The following DENND5B variants were observed in gnomAD, a reference collection of about 807,000 sequenced individuals.
DENND5B encodes the protein DENN domain-containing protein 5B.
DENND5B carries 34 observed loss-of-function variants against 140.6 expected under a neutral mutation model. The ratio of observed to expected loss-of-function variants is 0.24; its 90% CI spans 0.18 to 0.32. DENND5B has a LOEUF of 0.32. Among genes scored for constraint, DENND5B ranks in the 10% least tolerant of loss-of-function variants. The pLI is 1.00. For synonymous variants in DENND5B, 551 were observed against 562.1 expected (o/e 0.98, Z 0.28); for missense variants, 1,142 against 1,560.2 (o/e 0.73, Z 4.52).
chr12:31,506,273 T>C (rs1947198266), intron 1 of DENND5B: 1 of 152,190 alleles, frequency 6.6e-6, no homozygotes. Context: ...ATATAGTTTC[T>C]CTTTTTAATT....
At chr12:31,587,743 CA>C (rs1202245835) in intron 1 of DENND5B, among the ~76,000 whole-genome samples, 2 of 151,906 alleles carry the variant, frequency 1.3e-5, no homozygotes, top group African/African-American at 2.4e-5. Context: ...GATGTGGTTT[CA>C]CCATATTGGC....
chr12:31,560,555 T>A (rs1241084598), intron 1 of DENND5B, among the ~76,000 whole-genome samples: 2 of 152,160 alleles, frequency 1.3e-5, no homozygotes, highest in African/African-American at 4.8e-5. Context: ...ACACACACAA[T>A]TTAGTCTTAA....
intron 17 of DENND5B, among the ~76,000 whole-genome samples, chr12:31,395,024 A>G (rs1394381005): frequency 6.6e-6 from 1 of 152,194 alleles, no homozygotes; most frequent in Non-Finnish European, 1.5e-5. Flanking sequence ...ACAGATATAT[A>G]TCACTATCTG....
intron 5 of DENND5B, among the ~76,000 whole-genome samples, chr12:31,451,308 T>C (rs1593199369): frequency 6.6e-6 from 1 of 152,168 alleles, no homozygotes; most frequent in East Asian, 1.9e-4. Flanking sequence ...TGTAAGAGTT[T>C]CTATAAATTT....
At chr12:31,437,728 T>C (rs368428651) in intron 7 of DENND5B, among the ~76,000 whole-genome samples, 6 of 152,162 alleles carry the variant, frequency 3.9e-5, no homozygotes, top group African/African-American at 1.4e-4. Context: ...CAGTAGAGGG[T>C]AGTATACAAT....
intron 1 of DENND5B, among the ~76,000 whole-genome samples, chr12:31,580,331 G>A (rs1474789097): frequency 6.6e-6 from 1 of 152,068 alleles, no homozygotes; most frequent in South Asian, 2.1e-4. Context: ...GAAAGGAATA[G>A]GCTAATACAT....
intron 3 of DENND5B, chr12:31,465,245 G>A (rs1945206491): frequency 6.6e-6 from 1 of 152,372 alleles, no homozygotes. Context: ...TGTCTAGCAA[G>A]GCTTATGCCC....
At chr12:31,480,510 C>A (rs560868796) in intron 2 of DENND5B, among the ~76,000 whole-genome samples, 9 of 152,122 alleles carry the variant, frequency 5.9e-5, no homozygotes, top group Non-Finnish European at 1.3e-4. Flanking sequence ...TTACTAAGAA[C>A]AAGAGAATCA....
intron 1 of DENND5B, among the ~76,000 whole-genome samples, chr12:31,497,976 A>G (rs1946846690): frequency 6.7e-6 from 1 of 149,622 alleles, no homozygotes; most frequent in South Asian, 2.2e-4. Flanking sequence ...GAAGGGAAAG[A>G]AAGAGAGGAA....
At chr12:31,449,061 A>G (rs111556929) in intron 5 of DENND5B, among the ~76,000 whole-genome samples, 1 of 152,132 alleles carries the variant, frequency 6.6e-6, no homozygotes, top group African/African-American at 2.4e-5. Flanking sequence ...TCTACATTCA[A>G]TGCAGTACTA....
At chr12:31,457,871 G>A (rs916136681) in intron 4 of DENND5B, among the ~76,000 whole-genome samples, 4 of 151,832 alleles carry the variant, frequency 2.6e-5, no homozygotes, top group Non-Finnish European at 4.4e-5. Context: ...CTGCCACCAC[G>A]CCCGGCTATT....
At chr12:31,497,698 G>A (rs1186465909) in intron 1 of DENND5B, among the ~76,000 whole-genome samples, 1 of 143,830 alleles carries the variant, frequency 7.0e-6, no homozygotes, top group African/African-American at 2.6e-5. Context: ...TTGGGAGGCT[G>A]AGGTGGGCAG....
chr12:31,423,510 G>A, intron 11 of DENND5B, 87 bp downstream of exon 11: 1 of 1,348,052 alleles, frequency 7.4e-7, no homozygotes, highest in Non-Finnish European at 1.0e-6. Context: ...ATTTTAGCTT[G>A]AGAGAGAAAG....
At chr12:31,483,547 TCTC>T (rs1190672371) in intron 2 of DENND5B, among the ~76,000 whole-genome samples, 3 of 151,152 alleles carry the variant, frequency 2.0e-5, no homozygotes, top group Non-Finnish European at 3.0e-5. Flanking sequence ...TTCAAGCAAT[TCTC>T]CTGCCTCAGC....
intron 8 of DENND5B, among the ~76,000 whole-genome samples, chr12:31,430,070 T>C (rs1943440194): frequency 6.6e-6 from 1 of 151,970 alleles, no homozygotes; most frequent in Non-Finnish European, 1.5e-5. Flanking sequence ...CTGCCCAGGC[T>C]GGAGTGCAGC....
chr12:31,492,142 ATG>A (rs1355563128), intron 2 of DENND5B, among the ~76,000 whole-genome samples: 1 of 152,208 alleles, frequency 6.6e-6, no homozygotes, highest in Admixed American at 6.5e-5. Context: ...AAAAAATGCT[ATG>A]TGGTGCTTAA....
At chr12:31,457,732 GA>G (rs1944837909) in intron 4 of DENND5B, among the ~76,000 whole-genome samples, 1 of 116,028 alleles carries the variant, frequency 8.6e-6, no homozygotes, top group Admixed American at 8.9e-5. Flanking sequence ...TTTTTTTTTT[GA>G]GATGGAGTCT....
Position 31,383,020 on chromosome 12 carries a change from C to T in DENND5B, c.*4583G>A, listed in dbSNP as rs549136954. On this transcript the variant is annotated 3_prime_UTR_variant, in exon 21 of 21. Coordinates refer to ENST00000389082, the MANE Select transcript of DENND5B (RefSeq NM_144973.4). ...AACAGACTTCAAAAGACATGGATGA[C>T]TTGGAAATAGGATTCACTTTATAAA... The T allele has an allele frequency of 6.6e-6, 1 of 152,156 alleles. No homozygotes were observed. Among genetic ancestry groups the T allele is most frequent in the African/African-American group, 2.4e-5 (1 of 41,540 alleles). 9.4% of individuals were successfully genotyped at this position (152,156 alleles called of 1,614,324 possible).
chr12:31,426,255 T>G (rs752745115), intron 9 of DENND5B, 38 bp downstream of exon 9: 1 of 1,580,900 alleles, frequency 6.3e-7, no homozygotes, highest in African/African-American at 1.3e-5. Context: ...GGTGTAAACA[T>G]GAATGCACAC....
Sources: allele counts gnomAD v4.1 joint callset (sites outside exome capture counted in the v4.1 genomes callset), GRCh38; gene constraint gnomAD v4.1.1; transcripts MANE v1.5; gene names NCBI Gene and HGNC (gene_info 2026-07-23, HGNC 2026-07-21).